Variants in HPSE2 observed in about 807,000 individuals in gnomAD.
HPSE2 encodes inactive heparanase-2.
HPSE2 carries 38 observed loss-of-function variants against 60.5 expected under a neutral mutation model. The observed-to-expected ratio is 0.63, with a 90% CI of 0.48 to 0.82. The LOEUF (loss-of-function observed/expected upper bound fraction) is 0.82. Ranked by LOEUF, HPSE2 falls within the 40% of genes least tolerant of loss-of-function variation. The probability of loss-of-function intolerance (pLI) is 0.00; values close to 1 mark genes in which losing one functional copy is unlikely to be tolerated. For missense variants in HPSE2, 713 were observed against 740.4 expected (o/e 0.96, Z 0.43); for synonymous variants, 295 against 293.2 (o/e 1.01, Z -0.06).
chr10:98,742,753 A>G (rs1158789230), intron 4 of HPSE2, among the ~76,000 whole-genome samples: 2 of 148,836 alleles, frequency 1.3e-5, no homozygotes, highest in Non-Finnish European at 3.0e-5. Flanking sequence ...CCATGGAATG[A>G]ATGATAACTT....
intron 3 of HPSE2, among the ~76,000 whole-genome samples, chr10:99,111,570 C>T (rs967208856): frequency 3.9e-5 from 6 of 152,126 alleles, no homozygotes; most frequent in Non-Finnish European, 7.4e-5. Context: ...TTCAACAATT[C>T]GAATTCCAAA....
chr10:98,473,709 A>G (rs1940882193), intron 11 of HPSE2, among the ~76,000 whole-genome samples: 1 of 152,096 alleles, frequency 6.6e-6, no homozygotes, highest in Non-Finnish European at 1.5e-5. Context: ...ATATAGAAAA[A>G]TTGATAAAGA....
intron 3 of HPSE2, among the ~76,000 whole-genome samples, chr10:99,138,358 A>T (rs1845738701): frequency 6.6e-6 from 1 of 152,232 alleles, no homozygotes; most frequent in Admixed American, 6.5e-5. Context: ...CTAGAACCAG[A>T]AACACCATTT....
chr10:98,569,239 T>G (rs1197930760), intron 9 of HPSE2, among the ~76,000 whole-genome samples: 2 of 151,978 alleles, frequency 1.3e-5, no homozygotes, highest in African/African-American at 4.8e-5. Flanking sequence ...AATTTTTTTG[T>G]ATTTTGAGAT....
intron 3 of HPSE2, among the ~76,000 whole-genome samples, chr10:99,086,129 T>C (rs1409607209): frequency 6.6e-6 from 1 of 152,176 alleles, no homozygotes; most frequent in Non-Finnish European, 1.5e-5. Flanking sequence ...TACCATACTC[T>C]ATCTTCTATA....
intron 3 of HPSE2, among the ~76,000 whole-genome samples, chr10:99,120,288 GAC>G (rs1844896057): frequency 6.6e-6 from 1 of 152,034 alleles, no homozygotes; most frequent in Non-Finnish European, 1.5e-5. Flanking sequence ...GACATGAAAA[GAC>G]ACTTTTTGAA....
chr10:98,627,946 A>T (rs532009485), intron 7 of HPSE2, among the ~76,000 whole-genome samples: 1 of 152,324 alleles, frequency 6.6e-6, no homozygotes, highest in Admixed American at 6.5e-5. Context: ...CACAAACATA[A>T]TTATCATTCA....
intron 3 of HPSE2, among the ~76,000 whole-genome samples, chr10:99,046,748 T>C (rs1957864211): frequency 6.6e-6 from 1 of 151,880 alleles, no homozygotes; most frequent in African/African-American, 2.4e-5. Context: ...GAAAATGAAA[T>C]ACCTAGGAAT....
chr10:98,462,350 C>T (rs1186015010), intron 11 of HPSE2, among the ~76,000 whole-genome samples: 1 of 151,874 alleles, frequency 6.6e-6, no homozygotes, highest in African/African-American at 2.4e-5. Context: ...GGCTAATTTT[C>T]GTATTTTTAG....
chr10:98,680,451 T>A lies in HPSE2; in HGVS notation c.1004+13449A>T, dbSNP rs1947755391. On this transcript the variant is annotated intron_variant, in intron 6 of 11. Transcript: ENST00000370552. Reference sequence around the variant, plus strand: ...ATGGTTTGTATTGGAAAAACTATGTTAACATTTGGACTGACTGTTTAAAGC... The same window carrying A: ...ATGGTTTGTATTGGAAAAACTATGTAAACATTTGGACTGACTGTTTAAAGC... Among the ~76,000 whole-genome samples the A allele has an allele frequency of 5.9e-5, 9 of 152,318 alleles. No individual in the cohort carries two copies. The South Asian group carries it at 1.9e-3, about 32-fold the overall frequency.
intron 11 of HPSE2, among the ~76,000 whole-genome samples, chr10:98,460,568 ACAC>A (rs941726674): frequency 1.3e-5 from 2 of 152,162 alleles, no homozygotes; most frequent in Admixed American, 1.3e-4. Flanking sequence ...AGCCAAGATT[ACAC>A]CACTATACTC....
chr10:98,745,895 C>T (rs183094752), intron 3 of HPSE2, among the ~76,000 whole-genome samples: 2 of 152,040 alleles, frequency 1.3e-5, no homozygotes, highest in Non-Finnish European at 2.9e-5. Context: ...TCCAAGTTAC[C>T]CCATTAGCAA....
At chr10:98,534,408 T>A (rs1943219894) in intron 9 of HPSE2, among the ~76,000 whole-genome samples, 1 of 140,616 alleles carries the variant, frequency 7.1e-6, no homozygotes, top group Non-Finnish European at 1.6e-5. Flanking sequence ...TTAGAATTTT[T>A]AATTTTTTTT....
intron 2 of HPSE2, among the ~76,000 whole-genome samples, chr10:99,166,651 T>A (rs187686209): frequency 6.6e-6 from 1 of 152,304 alleles, no homozygotes; most frequent in East Asian, 1.9e-4. Flanking sequence ...TTTCCATTCA[T>A]TTATCTTCTT....
chr10:98,563,268 G>C (rs1218736589), intron 9 of HPSE2, among the ~76,000 whole-genome samples: 3 of 152,126 alleles, frequency 2.0e-5, no homozygotes, highest in Non-Finnish European at 4.4e-5. Flanking sequence ...ATTGCAACAT[G>C]GATGAACCTT....
At chr10:99,123,433 C>T (rs1219986974) in intron 3 of HPSE2, among the ~76,000 whole-genome samples, 1 of 152,134 alleles carries the variant, frequency 6.6e-6, no homozygotes, top group African/African-American at 2.4e-5. Context: ...TAAAAGAACA[C>T]TAAAGGCTTT....
chr10:99,232,545 C>T (rs778334007), intron 1 of HPSE2, 40 bp from the exon 2 acceptor site: 4 of 1,548,264 alleles, frequency 2.6e-6, no homozygotes, highest in Non-Finnish European at 3.5e-6. Context: ...GTTCCCAGGA[C>T]AGGACGAGAG....
the HPSE2 span, among the ~76,000 whole-genome samples, chr10:99,267,693 C>T: frequency 6.6e-6 from 1 of 150,758 alleles, no homozygotes; most frequent in Non-Finnish European, 1.5e-5. Context: ...GGCAAGAGAA[C>T]AGCTTGAACC....
chr10:98,973,344 C>A (rs954804832), intron 3 of HPSE2, among the ~76,000 whole-genome samples: 1 of 152,160 alleles, frequency 6.6e-6, no homozygotes, highest in African/African-American at 2.4e-5. Context: ...AAGCAATCTT[C>A]TGTCTAGATA....
Sources: allele counts gnomAD v4.1 joint callset (sites outside exome capture counted in the v4.1 genomes callset), GRCh38; gene constraint gnomAD v4.1.1; transcripts MANE v1.5; gene names NCBI Gene and HGNC (gene_info 2026-07-23, HGNC 2026-07-21).